The following UGP2 variants were observed in gnomAD, a reference collection of about 807,000 sequenced individuals.
UGP2 encodes the protein UDP-glucose pyrophosphorylase 2, also known as UTP--glucose-1-phosphate uridylyltransferase.
Under a neutral mutation model 49.0 loss-of-function variants are expected in UGP2, and 40 were observed. That is an observed-to-expected ratio of 0.82 (90% CI 0.63 to 1.06). The LOEUF (loss-of-function observed/expected upper bound fraction) is 1.06. UGP2 is among the 50% of genes least tolerant of loss of function. The pLI, the probability that UGP2 is intolerant of heterozygous loss-of-function variation, is 0.00. For missense variants in UGP2, 460 were observed against 603.5 expected (o/e 0.76, Z 2.49); for synonymous variants, 225 against 213.0 (o/e 1.06, Z -0.49).
In UGP2 at chr2:63,882,368, GA is replaced by G. The variant is rs1018382205; in HGVS notation, c.256-95del. On this transcript the variant is annotated intron_variant, in intron 3 of 9. Coordinates refer to ENST00000337130, the MANE Select transcript of UGP2 (RefSeq NM_006759.4). ...GATTAAAACTTTCCACAGAGAAACC[GA>G]AACTTTATGGAAGCATGGAAATAAC... The G allele has an allele frequency of 3.4e-6, 4 of 1,170,934 alleles. No homozygotes were observed. The Admixed American group carries it at 1.2e-4, about 35-fold the overall frequency. The allele number at this position is 1,170,934 out of a possible 1,614,324, so 72.5% of individuals were successfully genotyped here.
chr2:63,890,186 G>T lies in UGP2; in HGVS notation c.1419+1G>T. 1.3e-6 allele frequency: 2 copies of T among 1,595,222 alleles called. No individual in the cohort carries two copies. Among genetic ancestry groups the T allele is most frequent in the Non-Finnish European group, 1.7e-6 (2 of 1,169,152 alleles). ...ATTTGGAAAAAATGTTTCATTAAAG[G>T]TATGTTGTTACAATGAAAATTATAT... On this transcript the variant is annotated splice_donor_variant, in intron 9 of 9. Coordinates refer to ENST00000337130, the MANE Select transcript of UGP2 (RefSeq NM_006759.4). LOFTEE classifies it high-confidence loss of function.
chr2:63,887,290 T>C (rs1051530651), intron 7 of UGP2, 112 bp from the exon 8 acceptor site: 9 of 1,473,226 alleles, frequency 6.1e-6, no homozygotes, highest in Middle Eastern at 1.8e-4. Flanking sequence ...TTTTTTTTTT[T>C]CCATCAATGG....
chr2:63,858,525 T>TA (rs1025760074), intron 3 of UGP2, among the ~76,000 whole-genome samples: 18 of 148,102 alleles, frequency 1.2e-4, no homozygotes, highest in South Asian at 2.1e-4. Flanking sequence ...ATTCTCACTA[T>TA]AAAAAAAAAA....
intron 3 of UGP2, among the ~76,000 whole-genome samples, chr2:63,876,806 T>C (rs967089684): frequency 6.6e-6 from 1 of 152,274 alleles, no homozygotes; most frequent in East Asian, 1.9e-4. Flanking sequence ...ATTGACTTGG[T>C]TTTTGAATTC....
At chr2:63,877,215 G>A (rs185805070) in intron 3 of UGP2, among the ~76,000 whole-genome samples, 29 of 152,356 alleles carry the variant, frequency 1.9e-4, no homozygotes, top group Admixed American at 1.1e-3. Context: ...ACTTACTTTG[G>A]TCAACGGAGG....
chr2:63,866,172 G>A (rs1437010106), intron 3 of UGP2, among the ~76,000 whole-genome samples: 1 of 152,078 alleles, frequency 6.6e-6, no homozygotes, highest in African/African-American at 2.4e-5. Flanking sequence ...TGGTCCACTT[G>A]GAAGAAACTG....
At chr2:63,849,823 T>C (rs565325620) in intron 1 of UGP2, among the ~76,000 whole-genome samples, 1 of 152,328 alleles carries the variant, frequency 6.6e-6, no homozygotes, top group Non-Finnish European at 1.5e-5. Context: ...TCTGGGCCCC[T>C]GTTTCTTTAT....
intron 3 of UGP2, among the ~76,000 whole-genome samples, chr2:63,873,400 T>A (rs189940624): frequency 7.2e-5 from 11 of 152,214 alleles, no homozygotes; most frequent in Admixed American, 7.2e-4. Context: ...GGGAAATGAA[T>A]GACTTCTGTT....
chr2:63,841,568 G>C (rs948329431), upstream of UGP2: 1 of 152,294 alleles, frequency 6.6e-6, no homozygotes, highest in Non-Finnish European at 1.5e-5. Context: ...GGCCCCGACC[G>C]GTCGGCCAGC....
intron 8 of UGP2, chr2:63,887,892 T>A: frequency 2.1e-6 from 1 of 470,628 alleles, no homozygotes; most frequent in South Asian, 2.5e-5. Flanking sequence ...TTCTGTCTCT[T>A]CCAAGACCAG....
rs116682559 is a variant in UGP2, at chr2:63,875,819, A to G, written c.256-6647A>G. Among the ~76,000 whole-genome samples the G allele has an allele frequency of 9.2e-4, 140 of 152,280 alleles. 1 individual carries two copies. The highest frequency in any genetic ancestry group is 3.2e-3 in the African/African-American group (134 of 41,566). On this transcript the variant is annotated intron_variant, in intron 3 of 9. Transcript: ENST00000337130. ...CCTCCTGTCTGTTTAGTTGCAGTAG[A>G]GGTCTTAGAACACTGAATTTTATTC...
chr2:63,876,154 A>T (rs1670892222), intron 3 of UGP2, among the ~76,000 whole-genome samples: 2 of 152,082 alleles, frequency 1.3e-5, no homozygotes, highest in African/African-American at 4.8e-5. Context: ...TGTTGAACTA[A>T]ACCAAGCTCT....
chr2:63,842,199 T>G lies in UGP2; in HGVS notation c.14T>G (p.Val5Gly). 1 of 1,603,640 alleles carries G rather than the reference T, an allele frequency of 6.2e-7. No individual in the cohort carries two copies. Among genetic ancestry groups the G allele is most frequent in the Non-Finnish European group, 8.5e-7 (1 of 1,177,402 alleles). Reference sequence around the variant, plus strand: ...TAAGCCCCTAAAATGTCGAGATTTGTACAAGGTAAGAAATGCTGCTGCTTA... The same window carrying G: ...TAAGCCCCTAAAATGTCGAGATTTGGACAAGGTAAGAAATGCTGCTGCTTA... MSRFVQDLSKAMSQD... is the reference protein window; with the variant it reads MSRFGQDLSKAMSQD... Residue 5 changes from valine to glycine, a missense_variant, in exon 1 of 10, where the codon GTA (valine) becomes GGA (glycine). Physicochemically the swap from Val to Gly is moderately radical, Grantham distance 109. Transcript: ENST00000337130.
intron 2 of UGP2, 133 bp downstream of exon 2, chr2:63,856,566 A>C (rs1669445296): frequency 2.0e-6 from 2 of 1,023,676 alleles, no homozygotes; most frequent in African/African-American, 1.6e-5. Flanking sequence ...AAAAACAAAA[A>C]AATTAGAATT....
chr2:63,871,539 G>A (rs1161997812), intron 3 of UGP2, among the ~76,000 whole-genome samples: 1 of 152,124 alleles, frequency 6.6e-6, no homozygotes, highest in Non-Finnish European at 1.5e-5. Context: ...GCCCGCCTCG[G>A]CCTCCCAGTG....
intron 2 of UGP2, 151 bp from the exon 3 acceptor site, chr2:63,857,678 T>C: frequency 1.1e-5 from 9 of 803,222 alleles, no homozygotes; most frequent in Non-Finnish European, 1.8e-5. Flanking sequence ...TATTAGCTTT[T>C]AGGATGTGAA....
chr2:63,883,974 C>T lies in UGP2; in HGVS notation c.456C>T (p.Thr152=), dbSNP rs1671490162. Residue 152 remains threonine, a synonymous_variant, in exon 5 of 10, where the codon ACC becomes ACT. Transcript: ENST00000337130. ...TVQQIEHLNK[T]YNTDVPLVLM... ...TTCCTCCCTAGCATTTGAATAAAAC[C>T]TACAATACAGATGTTCCTCTTGTTT... 1 of 1,607,994 alleles carries T rather than the reference C, an allele frequency of 6.2e-7. No individual in the cohort carries two copies. The highest frequency in any genetic ancestry group is 8.5e-7 in the Non-Finnish European group (1 of 1,178,280).
At chr2:63,851,752 C>G (rs1418513766) in intron 1 of UGP2, among the ~76,000 whole-genome samples, 1 of 152,100 alleles carries the variant, frequency 6.6e-6, no homozygotes, top group East Asian at 1.9e-4. Flanking sequence ...ATTTGGCTTT[C>G]AAAAATGAGG....
chr2:63,849,735 A>C (rs952923906), intron 1 of UGP2, among the ~76,000 whole-genome samples: 1 of 152,216 alleles, frequency 6.6e-6, no homozygotes, highest in African/African-American at 2.4e-5. Flanking sequence ...ACCTTGCTCC[A>C]GAAGAATGAG....
Sources: gnomAD v4.1 joint callset for allele counts (sites outside exome capture counted in the v4.1 genomes callset) on GRCh38, gnomAD v4.1.1 for gene constraint, MANE v1.5 for transcripts, NCBI Gene and HGNC (gene_info 2026-07-23, HGNC 2026-07-21) for gene names.